The following NDUFAF6 variants were observed in gnomAD, a reference collection of about 807,000 sequenced individuals.
NDUFAF6 encodes NADH:ubiquinone oxidoreductase complex assembly factor 6.
A neutral mutation model predicts 40.8 loss-of-function variants in NDUFAF6; 45 were observed. That is an observed-to-expected ratio of 1.10 (90% CI 0.87 to 1.42). The LOEUF (loss-of-function observed/expected upper bound fraction) is 1.42, where lower values mean the gene tolerates loss of function less well. Ranked by LOEUF, NDUFAF6 falls within the 40% of genes most tolerant of loss-of-function variation. NDUFAF6 has a pLI of 0.00. For synonymous variants in NDUFAF6, 185 were observed against 155.9 expected (o/e 1.19, Z -1.39); for missense variants, 435 against 418.5 (o/e 1.04, Z -0.34).
At chr8:95,066,986 ATAACT>A (rs1047804328) in intron 9 of NDUFAF6, 8 of 152,252 alleles carry the variant, frequency 5.3e-5, no homozygotes, top group African/African-American at 1.7e-4. Flanking sequence ...AGGCCAACTA[ATAACT>A]TAGCTCCTTC....
chr8:95,026,027 A>G (rs753079790), intron 1 of NDUFAF6, among the ~76,000 whole-genome samples: 13 of 152,168 alleles, frequency 8.5e-5, no homozygotes, highest in Non-Finnish European at 1.8e-4. Flanking sequence ...ACTTGGTCTC[A>G]AGGACTTACC....
intron 1 of NDUFAF6, chr8:94,931,935 G>T: frequency 1.3e-6 from 1 of 782,758 alleles, no homozygotes; most frequent in Non-Finnish European, 2.0e-6. Context: ...TCACACCATT[G>T]CACTCCAGCC....
exon 10 of NDUFAF6, chr8:95,075,802 G>T: frequency 1.2e-6 from 1 of 824,948 alleles, no homozygotes; most frequent in East Asian, 6.3e-5. Flanking sequence ...GGCCAATCTT[G>T]CTTCACTCGA....
intron 1 of NDUFAF6, among the ~76,000 whole-genome samples, chr8:94,922,159 C>T (rs2131271675): frequency 6.6e-6 from 1 of 152,174 alleles, no homozygotes; most frequent in Middle Eastern, 3.4e-3. Context: ...AAGCATGTGC[C>T]ACCACGCCCG....
upstream of NDUFAF6, among the ~76,000 whole-genome samples, chr8:95,023,776 A>G (rs988236580): frequency 6.6e-6 from 1 of 152,168 alleles, no homozygotes; most frequent in African/African-American, 2.4e-5. Context: ...TGGGCGGATC[A>G]TGAGGTCAGA....
chr8:94,971,963 CT>C (rs1027809722), intron 1 of NDUFAF6, among the ~76,000 whole-genome samples: 1 of 152,068 alleles, frequency 6.6e-6, no homozygotes, highest in African/African-American at 2.4e-5. Flanking sequence ...AAAATTCTGA[CT>C]CATCTGCAAA....
Position 95,031,872 on chromosome 8 carries a change from A to G in NDUFAF6, c.198-123A>G, listed in dbSNP as rs772384534. On this transcript the variant is annotated intron_variant, in intron 1 of 8. Transcript: ENST00000396124. ...CGCCTTGGCCTCCCAAAGTGCTGGGATTACAGGCATGAGCTACCGCGCCCA... is the reference window on the plus strand; with the variant it reads ...CGCCTTGGCCTCCCAAAGTGCTGGGGTTACAGGCATGAGCTACCGCGCCCA... 8.5e-5 allele frequency: 75 copies of G among 883,168 alleles called. 1 individual carries two copies. In the Middle Eastern group the frequency reaches 1.7e-3, roughly 20 times the overall value. The allele number at this position is 883,168 out of a possible 1,614,324, so 54.7% of individuals were successfully genotyped here. A position where few individuals can be genotyped will look rare whatever the true frequency, so the allele number is the denominator to read the frequency against.
At chr8:94,955,727 A>T (rs544293801), upstream of NDUFAF6, among the ~76,000 whole-genome samples, 1 of 152,248 alleles carries the variant, frequency 6.6e-6, no homozygotes, top group Non-Finnish European at 1.5e-5. Flanking sequence ...CTCAAACCAT[A>T]AAGTCAACAG....
At chr8:94,951,939 A>T (rs553845517) in intron 2 of NDUFAF6, among the ~76,000 whole-genome samples, 1 of 152,342 alleles carries the variant, frequency 6.6e-6, no homozygotes, top group African/African-American at 2.4e-5. Flanking sequence ...TCATCTGTTC[A>T]CTGACAAAGA....
intron 9 of NDUFAF6, among the ~76,000 whole-genome samples, chr8:95,073,467 C>G (rs1419901224): frequency 6.6e-6 from 1 of 151,998 alleles, no homozygotes; most frequent in African/African-American, 2.4e-5. Flanking sequence ...GGTGCGCTCC[C>G]CAGGGAATAT....
upstream of NDUFAF6, among the ~76,000 whole-genome samples, chr8:95,024,392 A>G (rs1333883613): frequency 6.6e-6 from 1 of 152,222 alleles, no homozygotes; most frequent in Non-Finnish European, 1.5e-5. Context: ...CAGGTTAGCT[A>G]TAGGTAGTGG....
rs60724818 is a variant in NDUFAF6, at chr8:95,046,990, A to T, written c.581-4A>T. On this transcript the variant is annotated splice_polypyrimidine_tract_variant and splice_region_variant and intron_variant, in intron 5 of 8. Coordinates refer to ENST00000396124, the MANE Select transcript of NDUFAF6 (RefSeq NM_152416.4). Reference sequence around the variant, plus strand: ...GCAGCCCTGTGTAATTTCTGAAATCATAGGTATAAAGGATCTTCATGCAGA... The same window carrying T: ...GCAGCCCTGTGTAATTTCTGAAATCTTAGGTATAAAGGATCTTCATGCAGA... 5.8e-3 allele frequency: 9,412 copies of T among 1,613,980 alleles called. 467 individuals are homozygous for T. In the African/African-American group the frequency reaches 0.11, roughly 18 times the overall value.
intron 2 of NDUFAF6, among the ~76,000 whole-genome samples, chr8:94,995,098 G>A (rs1826364977): frequency 6.6e-6 from 1 of 152,136 alleles, no homozygotes; most frequent in Non-Finnish European, 1.5e-5. Flanking sequence ...ACAGGTGAAT[G>A]GATAAACAAA....
intron 1 of NDUFAF6, among the ~76,000 whole-genome samples, chr8:94,975,605 G>A (rs964292239): frequency 1.9e-4 from 29 of 152,188 alleles, no homozygotes; most frequent in African/African-American, 7.0e-4. Context: ...CAGGGTCTAG[G>A]ATTGGGTTAG....
chr8:94,935,172 G>GATAGATAGATAGATAT (rs1167646491), intron 1 of NDUFAF6, among the ~76,000 whole-genome samples: 2 of 151,454 alleles, frequency 1.3e-5, no homozygotes, highest in African/African-American at 2.4e-5. Flanking sequence ...TAGATAGATA[G>GATAGATAGATAGATAT]ATATAATACA....
chr8:95,070,843 C>G (rs1177226388), intron 9 of NDUFAF6, among the ~76,000 whole-genome samples: 8 of 152,194 alleles, frequency 5.3e-5, no homozygotes, highest in East Asian at 1.9e-4. Context: ...GAAAAACTCT[C>G]TATTGGTTTT....
chr8:94,932,641 A>C (rs1347424653), intron 1 of NDUFAF6, among the ~76,000 whole-genome samples: 1 of 152,088 alleles, frequency 6.6e-6, no homozygotes, highest in African/African-American at 2.4e-5. Flanking sequence ...GTCTCTACTA[A>C]AAATACAAAA....
chr8:95,103,749 T>C (rs1809729262), downstream of NDUFAF6, among the ~76,000 whole-genome samples: 1 of 152,178 alleles, frequency 6.6e-6, no homozygotes, highest in Non-Finnish European at 1.5e-5. Flanking sequence ...GCATGGTTCT[T>C]TTGTCTGAAC....
At chr8:94,998,277 C>G (rs903888748) in intron 2 of NDUFAF6, among the ~76,000 whole-genome samples, 3 of 152,006 alleles carry the variant, frequency 2.0e-5, no homozygotes, top group Non-Finnish European at 4.4e-5. Flanking sequence ...AATCAAGAGG[C>G]ATTCAGTGAA....
Sources: gnomAD v4.1 joint callset for allele counts (sites outside exome capture counted in the v4.1 genomes callset) on GRCh38, gnomAD v4.1.1 for gene constraint, MANE v1.5 for transcripts, NCBI Gene and HGNC (gene_info 2026-07-23, HGNC 2026-07-21) for gene names.